CENPW: variants seen among roughly 807,000 people sequenced by gnomAD.
CENPW encodes the protein centromere protein W, also known as cancer-up-regulated gene 2 protein.
CENPW carries 3 observed loss-of-function variants against 11.1 expected under a neutral mutation model. That is an observed-to-expected ratio of 0.27 (90% confidence interval 0.12 to 0.70). The LOEUF is 0.70. Ranked by LOEUF, CENPW falls within the 30% of genes least tolerant of loss-of-function variation. The pLI is 0.77. For synonymous variants in CENPW, 38 were observed against 42.0 expected (o/e 0.91, Z 0.37); for missense variants, 100 against 105.6 (o/e 0.95, Z 0.23).
chr6:126,353,225 C>CTT (rs11423823), downstream of CENPW, among the ~76,000 whole-genome samples: 235 of 144,342 alleles, frequency 1.6e-3, 1 homozygote, highest in African/African-American at 5.1e-3. Flanking sequence ...CCTATGGGAT[C>CTT]TTTTTTTTTT....
the CENPW span, among the ~76,000 whole-genome samples, chr6:126,389,505 T>C: frequency 6.6e-6 from 1 of 151,872 alleles, no homozygotes; most frequent in Non-Finnish European, 1.5e-5. Flanking sequence ...CTCTGTCTCA[T>C]CCAGCCTGTG....
intron 2 of CENPW, among the ~76,000 whole-genome samples, chr6:126,347,421 C>T (rs1780431552): frequency 6.6e-6 from 1 of 152,022 alleles, no homozygotes; most frequent in Non-Finnish European, 1.5e-5. Flanking sequence ...AGAAATATAG[C>T]AATAAGGAAA....
At chr6:126,363,882 A>T in the CENPW span, among the ~76,000 whole-genome samples, 2 of 152,194 alleles carry the variant, frequency 1.3e-5, no homozygotes, top group African/African-American at 4.8e-5. Flanking sequence ...GACCTCCTGA[A>T]TTTAGTGTGC....
chr6:126,471,914 C>A, the CENPW span, among the ~76,000 whole-genome samples: 4 of 152,130 alleles, frequency 2.6e-5, no homozygotes, highest in African/African-American at 9.7e-5. Context: ...ATATATTTTG[C>A]ACATGAATCT....
At chr6:126,461,365 TAGC>T in the CENPW span, among the ~76,000 whole-genome samples, 587 of 152,028 alleles carry the variant, frequency 3.9e-3, 7 homozygotes, top group African/African-American at 0.014. Flanking sequence ...ATGTCCTTAT[TAGC>T]AGCATGCAAA....
chr6:126,464,572 A>G, the CENPW span, among the ~76,000 whole-genome samples: 1 of 152,234 alleles, frequency 6.6e-6, no homozygotes, highest in African/African-American at 2.4e-5. Context: ...TCTTTCTCCC[A>G]TGCTGGATGC....
chr6:126,346,341 C>T (rs545318796), intron 2 of CENPW, 23 bp downstream of exon 2: 54 of 1,471,226 alleles, frequency 3.7e-5, no homozygotes, highest in Admixed American at 1.0e-4. Flanking sequence ...TTTCTTTTCT[C>T]GAGCAAGAAT....
chr6:126,373,697 AC>A, the CENPW span, among the ~76,000 whole-genome samples: 1 of 152,116 alleles, frequency 6.6e-6, no homozygotes, highest in Non-Finnish European at 1.5e-5. Flanking sequence ...ATCCTCCGGA[AC>A]CTCTCCATGT....
chr6:126,477,105 A>T, the CENPW span, among the ~76,000 whole-genome samples: 1 of 152,020 alleles, frequency 6.6e-6, no homozygotes, highest in Non-Finnish European at 1.5e-5. Context: ...ATTCAGAGAA[A>T]ATTCAAGTCT....
the CENPW span, among the ~76,000 whole-genome samples, chr6:126,410,583 G>A: frequency 1.3e-5 from 2 of 151,620 alleles, no homozygotes; most frequent in South Asian, 4.2e-4. Context: ...TTACAATATA[G>A]ATTTTTGTTA....
chr6:126,391,956 T>C, the CENPW span, among the ~76,000 whole-genome samples: 2 of 151,990 alleles, frequency 1.3e-5, no homozygotes, highest in Non-Finnish European at 2.9e-5. Context: ...CTATTCTAGG[T>C]CTTTTTGTGA....
At chr6:126,429,935 T>C in the CENPW span, among the ~76,000 whole-genome samples, 1 of 152,198 alleles carries the variant, frequency 6.6e-6, no homozygotes, top group East Asian at 1.9e-4. Flanking sequence ...ACAGTTTTTC[T>C]CATGCCTCTA....
At chr6:126,411,988 T>TC in the CENPW span, among the ~76,000 whole-genome samples, 1 of 14,164 alleles carries the variant, frequency 7.1e-5, no homozygotes, top group Non-Finnish European at 1.3e-4. Flanking sequence ...CTTCCTTCCT[T>TC]CCCCCACTCC....
the CENPW span, among the ~76,000 whole-genome samples, chr6:126,360,466 A>G: frequency 6.6e-6 from 1 of 152,096 alleles, no homozygotes; most frequent in Non-Finnish European, 1.5e-5. Flanking sequence ...TTTGCATGTC[A>G]ACCATTCTGG....
At chr6:126,477,799 C>T in the CENPW span, among the ~76,000 whole-genome samples, 1 of 151,682 alleles carries the variant, frequency 6.6e-6, no homozygotes, top group Non-Finnish European at 1.5e-5. Flanking sequence ...ATTATTTTTG[C>T]TTTCTTTTCT....
the CENPW span, among the ~76,000 whole-genome samples, chr6:126,374,227 A>C: frequency 1.3e-5 from 2 of 152,184 alleles, no homozygotes; most frequent in East Asian, 3.8e-4. Context: ...TAGTATTGCT[A>C]GTGTCACTTA....
chr6:126,425,944 G>C, the CENPW span, among the ~76,000 whole-genome samples: 1 of 151,948 alleles, frequency 6.6e-6, no homozygotes, highest in East Asian at 1.9e-4. Context: ...AAATACCCAG[G>C]AAATTACCTT....
At chr6:126,376,655 A>T in the CENPW span, among the ~76,000 whole-genome samples, 1 of 152,200 alleles carries the variant, frequency 6.6e-6, no homozygotes. Context: ...AGGAATGCAC[A>T]TTTGTTAGAA....
chr6:126,448,637 A>G, the CENPW span, among the ~76,000 whole-genome samples: 2 of 150,920 alleles, frequency 1.3e-5, no homozygotes, highest in African/African-American at 4.8e-5. Flanking sequence ...AATACCTATA[A>G]AACCTTTTGA....
Sources: gnomAD v4.1 joint callset for allele counts (sites outside exome capture counted in the v4.1 genomes callset) on GRCh38, gnomAD v4.1.1 for gene constraint, MANE v1.5 for transcripts, NCBI Gene and HGNC (gene_info 2026-07-23, HGNC 2026-07-21) for gene names.